CCDC171: variants seen among roughly 807,000 people sequenced by gnomAD.
CCDC171 encodes coiled-coil domain-containing protein 171.
CCDC171 carries 177 observed loss-of-function variants against 168.2 expected under a neutral mutation model. The observed-to-expected ratio is 1.05, with a 90% CI of 0.93 to 1.19. The LOEUF (loss-of-function observed/expected upper bound fraction) is 1.19. Among genes scored for constraint, CCDC171 ranks in the 50% most tolerant of loss-of-function variants. The pLI is 0.00. For synonymous variants in CCDC171, 687 were observed against 540.8 expected, an observed-to-expected ratio of 1.27 and a Z score of -3.75; for missense variants, 1,991 against 1,539.0, an observed-to-expected ratio of 1.29 and a Z score of -4.91.
intron 18 of CCDC171, among the ~76,000 whole-genome samples, chr9:15,766,636 G>A (rs982100138): frequency 6.7e-6 from 1 of 148,566 alleles, no homozygotes; most frequent in Non-Finnish European, 1.5e-5. Context: ...GATTCTCTTA[G>A]TTACATTTAT....
At chr9:16,098,888 G>A in the CCDC171 span, among the ~76,000 whole-genome samples, 194 of 152,308 alleles carry the variant, frequency 1.3e-3, 1 homozygote, top group Middle Eastern at 0.01. Flanking sequence ...ATGTGGGCAC[G>A]GATGTTCCTA....
chr9:16,020,991 C>T (rs1564123248), intron 4 of CCDC171, among the ~76,000 whole-genome samples: 1 of 152,222 alleles, frequency 6.6e-6, no homozygotes, highest in East Asian at 1.9e-4. Flanking sequence ...GTTTTACTCA[C>T]TGATGAATAG....
chr9:15,613,520 T>G lies in CCDC171; in HGVS notation c.676-9747T>G, dbSNP rs866821478. Reference sequence around the variant, plus strand: ...GGTTTTGATTTGCATTTTTCTTTTTTTCTTTTCTTTTTTTTTTTTTTCAGA... The same window carrying G: ...GGTTTTGATTTGCATTTTTCTTTTTGTCTTTTCTTTTTTTTTTTTTTCAGA... On this transcript the variant is annotated intron_variant, in intron 6 of 25. Coordinates refer to ENST00000380701, the MANE Select transcript of CCDC171 (RefSeq NM_173550.4). Among the ~76,000 whole-genome samples the G allele has an allele frequency of 4.0e-5, 6 of 151,754 alleles. No homozygotes were observed. The South Asian group carries it at 1.0e-3, about 26-fold the overall frequency.
At chr9:15,618,031 G>A (rs936240099) in intron 6 of CCDC171, among the ~76,000 whole-genome samples, 4 of 152,186 alleles carry the variant, frequency 2.6e-5, no homozygotes, top group Admixed American at 6.5e-5. Flanking sequence ...GTGCGGGTGC[G>A]CTGTGCTGGG....
chr9:15,895,277 G>T (rs933395265), intron 24 of CCDC171, among the ~76,000 whole-genome samples: 1 of 152,138 alleles, frequency 6.6e-6, no homozygotes, highest in Non-Finnish European at 1.5e-5. Context: ...TAGAGTCAGA[G>T]AATGGCTGCC....
At chr9:16,035,790 A>G (rs1004655304) in intron 7 of CCDC171, among the ~76,000 whole-genome samples, 4 of 152,204 alleles carry the variant, frequency 2.6e-5, no homozygotes, top group Non-Finnish European at 5.9e-5. Context: ...TATTTATTCA[A>G]TATCCACTAT....
At chr9:15,983,993 C>G (rs1831895828) in intron 3 of CCDC171, among the ~76,000 whole-genome samples, 1 of 134,602 alleles carries the variant, frequency 7.4e-6, no homozygotes, top group Admixed American at 7.5e-5. Context: ...ATAGCCCTTT[C>G]CACTCCTCTG....
At chr9:15,789,657 G>C (rs2058146370) in intron 21 of CCDC171, among the ~76,000 whole-genome samples, 1 of 152,042 alleles carries the variant, frequency 6.6e-6, no homozygotes, top group African/African-American at 2.4e-5. Context: ...AACGTGCAGA[G>C]TTGTTACATA....
chr9:15,556,203 T>G lies in CCDC171; in HGVS notation c.-112+2901T>G, dbSNP rs569194608. ...CAGTTTCTGCCGAGAGGTCCGCTGT[T>G]AGTCTGATGGGCTTCCCTTTGTGGG... On this transcript the variant is annotated intron_variant, in intron 1 of 25. Coordinates refer to ENST00000380701, the MANE Select transcript of CCDC171 (RefSeq NM_173550.4). Among the ~76,000 whole-genome samples, 214 of 152,294 alleles carry G rather than the reference T, an allele frequency of 1.4e-3. 2 individuals carry two copies. The highest frequency in any genetic ancestry group is 5.0e-3 in the African/African-American group (206 of 41,566).
intron 24 of CCDC171, among the ~76,000 whole-genome samples, chr9:15,897,542 T>A (rs1467926920): frequency 6.6e-6 from 1 of 152,080 alleles, no homozygotes; most frequent in African/African-American, 2.4e-5. Flanking sequence ...GTTCTTTTAT[T>A]TGAAATATTT....
exon 4 of CCDC171, chr9:16,020,619 T>A (rs889830396): frequency 2.6e-5 from 4 of 154,366 alleles, no homozygotes; most frequent in Non-Finnish European, 2.9e-5. Context: ...GGAGCTATGA[T>A]TGAGTAAAAT....
chr9:15,723,651 C>T (rs1203075679), intron 12 of CCDC171, 30 bp from the exon 13 acceptor site: 6 of 1,545,860 alleles, frequency 3.9e-6, no homozygotes, highest in Non-Finnish European at 5.3e-6. Flanking sequence ...TATTTTCTTT[C>T]ATCAGCTAAA....
At chr9:16,024,312 C>T (rs1159054601) in intron 6 of CCDC171, among the ~76,000 whole-genome samples, 1 of 152,112 alleles carries the variant, frequency 6.6e-6, no homozygotes, top group Non-Finnish European at 1.5e-5. Context: ...TAATCCTATC[C>T]TACCTCAAAC....
intron 24 of CCDC171, among the ~76,000 whole-genome samples, chr9:15,905,320 T>G (rs148738424): frequency 0.01 from 1,542 of 151,804 alleles, 29 homozygotes; most frequent in African/African-American, 0.036. Flanking sequence ...ATAACAAACT[T>G]TCTCTCAGAC....
chr9:15,745,283 A>G (rs947132049), intron 17 of CCDC171, among the ~76,000 whole-genome samples: 3 of 152,216 alleles, frequency 2.0e-5, no homozygotes, highest in Admixed American at 6.5e-5. Flanking sequence ...ACTATTAAGT[A>G]ATATAAGTAA....
intron 6 of CCDC171, among the ~76,000 whole-genome samples, chr9:15,621,237 G>T (rs1027263455): frequency 1.3e-5 from 2 of 152,128 alleles, no homozygotes; most frequent in African/African-American, 4.8e-5. Context: ...AAAGTACTGG[G>T]ATTACAGGCG....
In CCDC171 at chr9:15,598,407, C is replaced by G. The variant is rs1039328226; in HGVS notation, c.675+4235C>G. 2.6e-5 allele frequency among the ~76,000 whole-genome samples: 4 copies of G among 151,998 alleles called. No individual in the cohort carries two copies. In the East Asian group the frequency reaches 7.7e-4, roughly 29 times the overall value. On this transcript the variant is annotated intron_variant, in intron 6 of 25. Transcript: ENST00000380701. The stretch of plus-strand genomic sequence containing the variant: ...TTTTCTGCCTTCATTTCATTATGTA[C>G]CCAGCAGTCATTCAGGAGTAGGTTG...
chr9:15,840,847 AT>A (rs2060649148), intron 21 of CCDC171, among the ~76,000 whole-genome samples: 1 of 151,976 alleles, frequency 6.6e-6, no homozygotes, highest in Non-Finnish European at 1.5e-5. Context: ...CATTTAGTCT[AT>A]CACAAAGAGT....
chr9:15,777,730 A>G lies in CCDC171; in HGVS notation c.2802A>G (p.Val934=). 6.2e-7 allele frequency: 1 copy of G among 1,614,012 alleles called. No homozygotes were observed. The highest frequency in any genetic ancestry group is 8.5e-7 in the Non-Finnish European group (1 of 1,179,954). The part of the protein sequence containing the change: ...PLHSSRSITY[V]EKDSLVQRLA... The stretch of plus-strand genomic sequence containing the variant: ...ACAGTAGCAGGAGTATTACATATGT[A>G]GAAAAAGATTCCCTGGTTCAGAGGC... Residue 934 remains valine, a synonymous_variant, in exon 19 of 26, where the codon GTA becomes GTG. Transcript: ENST00000380701.
Sources: gnomAD v4.1 joint callset for allele counts (sites outside exome capture counted in the v4.1 genomes callset) on GRCh38, gnomAD v4.1.1 for gene constraint, MANE v1.5 for transcripts, NCBI Gene and HGNC (gene_info 2026-07-23, HGNC 2026-07-21) for gene names.